PLCB1: variants seen among roughly 807,000 people sequenced by gnomAD.
PLCB1 encodes the protein 1-phosphatidylinositol 4,5-bisphosphate phosphodiesterase beta-1.
PLCB1 carries 46 observed loss-of-function variants against 161.8 expected under a neutral mutation model. The observed-to-expected ratio is 0.28, with a 90% CI of 0.22 to 0.36. The LOEUF is 0.36. Among genes scored for constraint, PLCB1 ranks in the 10% least tolerant of loss-of-function variants. The probability of loss-of-function intolerance (pLI) is 1.00; values close to 1 mark genes in which losing one functional copy is unlikely to be tolerated. For missense variants in PLCB1, 1,016 were observed against 1,472.5 expected, an observed-to-expected ratio of 0.69 and a Z score of 5.07; for synonymous variants, 517 against 503.7, an observed-to-expected ratio of 1.03 and a Z score of -0.35.
At chr20:8,763,309 C>T (rs1264332795) in intron 25 of PLCB1, among the ~76,000 whole-genome samples, 1 of 152,212 alleles carries the variant, frequency 6.6e-6, no homozygotes, top group Non-Finnish European at 1.5e-5. Flanking sequence ...TCAAGTGATT[C>T]TCCTGCCTCA....
In PLCB1 at chr20:8,629,826, TTTCTTTCTTTCTTTC is replaced by T. The variant is rs1358917025; in HGVS notation, c.384+1398_384+1412del. On this transcript the variant is annotated intron_variant, in intron 4 of 31. Transcript: ENST00000338037. ...TTCTTTCTTTTCTTTCTTTTCTTTC[TTTCTTTCTTTCTTTC>T]TTTCTTTCTTTCTTTCTTTCTTTCT... Among the ~76,000 whole-genome samples, 58 of 42,216 alleles carry T rather than the reference TTTCTTTCTTTCTTTC, an allele frequency of 1.4e-3. No individual in the cohort carries two copies. The South Asian group carries it at 0.027, about 20-fold the overall frequency. The allele number at this position is 42,216 out of a possible 152,430, so 27.7% of individuals were successfully genotyped here. A position where few individuals can be genotyped will look rare whatever the true frequency, so the allele number is the denominator to read the frequency against.
intron 7 of PLCB1, chr20:8,653,316 G>A (rs1026995397): frequency 6.6e-6 from 1 of 151,962 alleles, no homozygotes; most frequent in South Asian, 2.1e-4. Flanking sequence ...TAACTTATTA[G>A]TATGTTGCCT....
chr20:8,454,993 T>C (rs1288827807), intron 3 of PLCB1, among the ~76,000 whole-genome samples: 2 of 149,390 alleles, frequency 1.3e-5, no homozygotes, highest in Non-Finnish European at 2.9e-5. Context: ...AATGAATGAA[T>C]GAATGGGTGA....
intron 3 of PLCB1, among the ~76,000 whole-genome samples, chr20:8,557,350 G>A (rs550291841): frequency 6.6e-6 from 1 of 152,096 alleles, no homozygotes; most frequent in East Asian, 1.9e-4. Context: ...ACTTACAATG[G>A]AATATGATTC....
At chr20:8,721,417 T>C (rs1285375336) in intron 14 of PLCB1, among the ~76,000 whole-genome samples, 2 of 152,224 alleles carry the variant, frequency 1.3e-5, no homozygotes, top group African/African-American at 4.8e-5. Flanking sequence ...TTGAAAATCT[T>C]TTTTATATAA....
intron 3 of PLCB1, among the ~76,000 whole-genome samples, chr20:8,442,793 C>T (rs1980621334): frequency 6.6e-6 from 1 of 152,012 alleles, no homozygotes; most frequent in African/African-American, 2.4e-5. Flanking sequence ...ACTAGTAAAA[C>T]AGCCAAATAT....
chr20:8,609,358 A>G (rs1298344073), intron 3 of PLCB1, among the ~76,000 whole-genome samples: 1 of 152,228 alleles, frequency 6.6e-6, no homozygotes, highest in Non-Finnish European at 1.5e-5. Context: ...TGAGGAGATT[A>G]AAAGTTTGAA....
intron 3 of PLCB1, among the ~76,000 whole-genome samples, chr20:8,378,694 A>G (rs959642023): frequency 6.6e-6 from 1 of 152,230 alleles, no homozygotes; most frequent in Non-Finnish European, 1.5e-5. Context: ...TCATTGCATG[A>G]AAGATTTTTC....
At chr20:8,170,639 T>C (rs1164772269) in intron 2 of PLCB1, among the ~76,000 whole-genome samples, 2 of 152,100 alleles carry the variant, frequency 1.3e-5, no homozygotes, top group African/African-American at 4.8e-5. Flanking sequence ...ATTGAAAGGG[T>C]ATATACTTGG....
chr20:8,359,293 G>T (rs139714801), intron 2 of PLCB1, among the ~76,000 whole-genome samples: 1,897 of 152,210 alleles, frequency 0.012, 47 homozygotes, highest in African/African-American at 0.044. Context: ...TTAATGAAAT[G>T]ATAAAATGAA....
chr20:8,369,154 C>T (rs1474627167), intron 2 of PLCB1, among the ~76,000 whole-genome samples: 1 of 152,124 alleles, frequency 6.6e-6, no homozygotes, highest in Admixed American at 6.6e-5. Flanking sequence ...ACCCCTCAAA[C>T]CAACATCTCC....
intron 2 of PLCB1, among the ~76,000 whole-genome samples, chr20:8,290,433 G>A (rs1031005826): frequency 6.6e-6 from 1 of 152,186 alleles, no homozygotes; most frequent in Non-Finnish European, 1.5e-5. Flanking sequence ...CTATGGAGTT[G>A]TCTAGGAGAC....
chr20:8,177,440 T>A (rs934496541), intron 2 of PLCB1, among the ~76,000 whole-genome samples: 1 of 152,218 alleles, frequency 6.6e-6, no homozygotes, highest in African/African-American at 2.4e-5. Context: ...CTACCTGGAC[T>A]AAGACGATGA....
chr20:8,553,587 A>C (rs886533099), intron 3 of PLCB1, among the ~76,000 whole-genome samples: 1 of 152,120 alleles, frequency 6.6e-6, no homozygotes, highest in Non-Finnish European at 1.5e-5. Flanking sequence ...TAAATCTTTT[A>C]TTCTTATCTG....
At chr20:8,465,313 G>A (rs1407004369) in intron 3 of PLCB1, among the ~76,000 whole-genome samples, 1 of 152,112 alleles carries the variant, frequency 6.6e-6, no homozygotes, top group Non-Finnish European at 1.5e-5. Flanking sequence ...AAAGTAGTAT[G>A]ATGCAAGCCA....
intron 2 of PLCB1, among the ~76,000 whole-genome samples, chr20:8,158,013 G>T (rs1321054692): frequency 1.3e-5 from 2 of 152,102 alleles, no homozygotes; most frequent in Non-Finnish European, 2.9e-5. Context: ...CATATATTTA[G>T]CTCTTCCCAC....
At chr20:8,194,562 T>C (rs1455588618) in intron 2 of PLCB1, among the ~76,000 whole-genome samples, 1 of 152,068 alleles carries the variant, frequency 6.6e-6, no homozygotes, top group African/African-American at 2.4e-5. Context: ...CATGTCTCTT[T>C]TATTACCACA....
chr20:8,709,186 A>G (rs1478129108), intron 12 of PLCB1, among the ~76,000 whole-genome samples: 3 of 152,096 alleles, frequency 2.0e-5, no homozygotes, highest in African/African-American at 7.2e-5. Flanking sequence ...TTGCACTTAC[A>G]CAGAACTCAG....
At chr20:8,501,516 C>T (rs1442963951) in intron 3 of PLCB1, among the ~76,000 whole-genome samples, 1 of 152,208 alleles carries the variant, frequency 6.6e-6, no homozygotes, top group Non-Finnish European at 1.5e-5. Context: ...CCTCTCCCAC[C>T]TCCTGTGGCC....
Sources: gnomAD v4.1 joint callset for allele counts (sites outside exome capture counted in the v4.1 genomes callset) on GRCh38, gnomAD v4.1.1 for gene constraint, MANE v1.5 for transcripts, NCBI Gene and HGNC (gene_info 2026-07-23, HGNC 2026-07-21) for gene names.